The following AKT3 variants were observed in gnomAD, a reference collection of about 807,000 sequenced individuals.
AKT3 encodes RAC-gamma serine/threonine-protein kinase.
In AKT3, 15 loss-of-function variants were observed where a neutral mutation model predicts 65.3. The observed-to-expected ratio is 0.23, with a 90% CI of 0.15 to 0.35. AKT3 has a LOEUF of 0.35. Ranked by LOEUF, AKT3 falls within the 10% of genes least tolerant of loss-of-function variation. The pLI, the probability that AKT3 is intolerant of heterozygous loss-of-function variation, is 1.00. For synonymous variants in AKT3, 206 were observed against 183.8 expected, an observed-to-expected ratio of 1.12 and a Z score of -0.98; for missense variants, 243 against 576.5, an observed-to-expected ratio of 0.42 and a Z score of 5.92.
At chr1:243,607,348 A>G (rs1677504065) in intron 8 of AKT3, among the ~76,000 whole-genome samples, 1 of 152,226 alleles carries the variant, frequency 6.6e-6, no homozygotes, top group Non-Finnish European at 1.5e-5. Context: ...AGGCCATAGG[A>G]GCCCACCTCT....
rs948784138 is a variant in AKT3 at position 243,843,307 on chromosome 1, AT to A, written c.-112-26del. 10 of 1,385,012 alleles carry A rather than the reference AT, an allele frequency of 7.2e-6. No homozygotes were observed. In the Middle Eastern group the frequency reaches 5.8e-4, roughly 80 times the overall value. 85.8% of individuals were successfully genotyped at this position (1,385,012 alleles called of 1,614,324 possible). On this transcript the variant is annotated intron_variant, in intron 1 of 13. Transcript: ENST00000673466. ...CCTGGAAGGAAGTATTGAAGAAAGA[AT>A]TTTTTTTCCATTCTTGCAACTCACA... is the stretch of plus-strand genomic sequence containing the variant.
At chr1:243,673,292 C>T (rs991212489) in intron 3 of AKT3, among the ~76,000 whole-genome samples, 1 of 152,064 alleles carries the variant, frequency 6.6e-6, no homozygotes, top group Non-Finnish European at 1.5e-5. Context: ...AATAAAAATA[C>T]TCATAATCCT....
At chr1:243,715,870 T>A (rs1247181411) in intron 2 of AKT3, among the ~76,000 whole-genome samples, 2 of 151,996 alleles carry the variant, frequency 1.3e-5, no homozygotes, top group African/African-American at 4.8e-5. Context: ...AATACTCCAT[T>A]TAGTGATAAT....
chr1:243,714,769 T>G (rs2148088435), intron 2 of AKT3, among the ~76,000 whole-genome samples: 1 of 152,264 alleles, frequency 6.6e-6, no homozygotes, highest in East Asian at 1.9e-4. Flanking sequence ...TCTATAAAAA[T>G]CTACTATTTG....
At chr1:243,688,435 C>G (rs193294756) in intron 3 of AKT3, among the ~76,000 whole-genome samples, 6 of 152,256 alleles carry the variant, frequency 3.9e-5, no homozygotes, top group Non-Finnish European at 5.9e-5. Flanking sequence ...TGGAGAACAT[C>G]TGAAATTTTT....
chr1:243,717,147 C>T (rs565011722), intron 2 of AKT3, among the ~76,000 whole-genome samples: 5 of 152,306 alleles, frequency 3.3e-5, no homozygotes, highest in South Asian at 2.1e-4. Flanking sequence ...CAGCTTGCTG[C>T]TACCTCTTCC....
At chr1:243,731,496 G>A (rs1687565472) in intron 2 of AKT3, among the ~76,000 whole-genome samples, 2 of 152,182 alleles carry the variant, frequency 1.3e-5, no homozygotes, top group South Asian at 4.1e-4. Context: ...AGTGAGGCCA[G>A]CTTGAAACAA....
intron 3 of AKT3, among the ~76,000 whole-genome samples, chr1:243,686,885 A>C (rs1295969666): frequency 1.3e-5 from 2 of 150,652 alleles, no homozygotes; most frequent in East Asian, 3.9e-4. Context: ...GGCTGCTCTC[A>C]AATTCCTGAC....
At chr1:243,822,939 C>A (rs1693949695) in intron 2 of AKT3, among the ~76,000 whole-genome samples, 1 of 152,104 alleles carries the variant, frequency 6.6e-6, no homozygotes, top group Admixed American at 6.5e-5. Context: ...ATGAGGCCAG[C>A]AACAACCTGA....
intron 2 of AKT3, among the ~76,000 whole-genome samples, chr1:243,798,173 C>T (rs1692144332): frequency 6.8e-6 from 1 of 146,860 alleles, no homozygotes; most frequent in Non-Finnish European, 1.5e-5. Flanking sequence ...TCCCAAAGTG[C>T]TGGGATTACA....
chr1:243,692,893 T>C (rs1035936626), intron 3 of AKT3, among the ~76,000 whole-genome samples: 1 of 152,058 alleles, frequency 6.6e-6, no homozygotes, highest in African/African-American at 2.4e-5. Flanking sequence ...AGAAAAGATA[T>C]TTCTTTTCCC....
At chr1:243,566,840 G>A (rs1674194330) in intron 9 of AKT3, among the ~76,000 whole-genome samples, 2 of 152,154 alleles carry the variant, frequency 1.3e-5, no homozygotes. Context: ...TGGCTTATTT[G>A]TAAATTGTCA....
intron 3 of AKT3, chr1:243,687,943 T>TA (rs1193495434): frequency 2.6e-5 from 4 of 152,194 alleles, no homozygotes; most frequent in African/African-American, 9.6e-5. Context: ...ATAAGGCAGC[T>TA]ATTCCTTACA....
At chr1:243,687,992 T>C (rs1684445464) in intron 3 of AKT3, 1 of 152,170 alleles carries the variant, frequency 6.6e-6, no homozygotes, top group African/African-American at 2.4e-5. Flanking sequence ...TTTCCATTTG[T>C]CTAAAAATTT....
intron 4 of AKT3, among the ~76,000 whole-genome samples, chr1:243,663,282 G>A (rs1465023950): frequency 2.0e-5 from 3 of 152,148 alleles, no homozygotes; most frequent in Admixed American, 6.5e-5. Flanking sequence ...AGAGTCAGAG[G>A]TTTTGTAGGA....
Position 243,563,888 on chromosome 1 carries a change from T to A in AKT3, c.820-40A>T, listed in dbSNP as rs746976574. The A allele has an allele frequency of 6.4e-6, 10 of 1,558,202 alleles. 1 individual carries two copies. The East Asian group carries it at 2.3e-4, about 35-fold the overall frequency. ...AAATGACATAATTTGTTCTATAGTC[T>A]TCAACAACATGAAAATACCATTTTA... is the stretch of plus-strand genomic sequence containing the variant. On this transcript the variant is annotated intron_variant, in intron 9 of 13. Transcript: ENST00000673466.
intron 2 of AKT3, among the ~76,000 whole-genome samples, chr1:243,722,410 C>T (rs948129396): frequency 2.0e-5 from 3 of 152,146 alleles, no homozygotes; most frequent in Non-Finnish European, 4.4e-5. Flanking sequence ...TCTGTGCATG[C>T]TTCTGAGTAC....
chr1:243,516,888 CTAGT>C (rs1439064951), intron 12 of AKT3, among the ~76,000 whole-genome samples: 1 of 152,146 alleles, frequency 6.6e-6, no homozygotes, highest in Non-Finnish European at 1.5e-5. Context: ...GTGCCCAGTC[CTAGT>C]TTCTTAAGAT....
intron 8 of AKT3, among the ~76,000 whole-genome samples, chr1:243,593,366 C>T (rs1186413026): frequency 6.6e-6 from 1 of 152,158 alleles, no homozygotes; most frequent in African/African-American, 2.4e-5. Context: ...ACTGGCTTAA[C>T]ATTTGAATGT....
Sources: allele counts gnomAD v4.1 joint callset (sites outside exome capture counted in the v4.1 genomes callset), GRCh38; gene constraint gnomAD v4.1.1; transcripts MANE v1.5; gene names NCBI Gene and HGNC (gene_info 2026-07-23, HGNC 2026-07-21).